Variants in C19orf47 observed in about 807,000 individuals in gnomAD.
C19orf47 encodes the protein uncharacterized protein C19orf47.
In C19orf47, 18 loss-of-function variants were observed where a neutral mutation model predicts 32.3. The observed-to-expected ratio is 0.56, with a 90% CI of 0.39 to 0.83. The LOEUF (loss-of-function observed/expected upper bound fraction) is 0.83. C19orf47 is among the 40% of genes least tolerant of loss of function. The pLI is 0.00. For missense variants in C19orf47, 484 were observed against 531.6 expected (o/e 0.91, Z 0.88); for synonymous variants, 202 against 211.1 (o/e 0.96, Z 0.37).
At chr19:40,315,714 A>G, downstream of C19orf47, among the ~76,000 whole-genome samples, 1 of 151,922 alleles carries the variant, frequency 6.6e-6, no homozygotes, top group Non-Finnish European at 1.5e-5. Context: ...CGGCAGACGC[A>G]GGCTACAGTG....
At chr19:40,339,394 C>T (rs2078132345) in intron 2 of C19orf47, among the ~76,000 whole-genome samples, 1 of 152,162 alleles carries the variant, frequency 6.6e-6, no homozygotes, top group Admixed American at 6.6e-5. Flanking sequence ...GTTGCACACA[C>T]CAGGAGACAC....
chr19:40,295,887 C>T, the C19orf47 span, among the ~76,000 whole-genome samples: 7 of 152,166 alleles, frequency 4.6e-5, no homozygotes, highest in South Asian at 2.1e-4. Flanking sequence ...GGTGGGACTA[C>T]AGGCATGTGC....
chr19:40,330,540 C>CTTTTTTT (rs398034615), intron 5 of C19orf47, among the ~76,000 whole-genome samples: 1 of 64,598 alleles, frequency 1.5e-5, no homozygotes, highest in Non-Finnish European at 2.6e-5. Flanking sequence ...ACCCGGCCCT[C>CTTTTTTT]TTTTTTTTTT....
At chr19:40,328,201 G>T (rs190407611) in intron 6 of C19orf47, among the ~76,000 whole-genome samples, 103 of 152,242 alleles carry the variant, frequency 6.8e-4, no homozygotes, top group African/African-American at 2.4e-3. Context: ...CCTGGGTGGG[G>T]TATCGCCACC....
At chr19:40,305,863 G>A in the C19orf47 span, among the ~76,000 whole-genome samples, 1 of 151,978 alleles carries the variant, frequency 6.6e-6, no homozygotes, top group African/African-American at 2.4e-5. Context: ...GAAAGAGAAT[G>A]TTCGGCCAGA....
the C19orf47 span, among the ~76,000 whole-genome samples, chr19:40,314,354 G>C: frequency 6.6e-6 from 1 of 152,200 alleles, no homozygotes; most frequent in Admixed American, 6.5e-5. Context: ...TTGAACTCAG[G>C]AGGCGGAGGT....
chr19:40,336,105 C>T lies in C19orf47; in HGVS notation c.222+5G>A. The T allele has an allele frequency of 1.2e-6, 2 of 1,613,636 alleles. No individual in the cohort carries two copies. The highest frequency in any genetic ancestry group is 1.7e-6 in the Non-Finnish European group (2 of 1,179,606). The stretch of plus-strand genomic sequence containing the variant: ...AGAGACAGAGGGGCTGGGCACAGCA[C>T]CCACCTGACGGTGCACCACTTTGGC... On this transcript the variant is annotated splice_donor_5th_base_variant and intron_variant, in intron 4 of 8. Transcript: ENST00000683109.
chr19:40,322,650 G>A (rs141318502), intron 8 of C19orf47, among the ~76,000 whole-genome samples: 117 of 152,340 alleles, frequency 7.7e-4, no homozygotes, highest in East Asian at 2.5e-3. Context: ...GGAAGAGGAC[G>A]GGAGTGCCGC....
intron 7 of C19orf47, among the ~76,000 whole-genome samples, chr19:40,325,206 G>A (rs1293226744): frequency 6.6e-6 from 1 of 151,458 alleles, no homozygotes; most frequent in Non-Finnish European, 1.5e-5. Context: ...GGAAGCGGAA[G>A]TTGCAGTGAG....
chr19:40,329,899 C>G (rs183402434), intron 5 of C19orf47, among the ~76,000 whole-genome samples: 4 of 152,228 alleles, frequency 2.6e-5, no homozygotes, highest in Non-Finnish European at 5.9e-5. Context: ...GAGGGCCCTA[C>G]CTGTCCTGCT....
At chr19:40,332,699 A>T (rs769908734) in intron 5 of C19orf47, 2 of 152,118 alleles carry the variant, frequency 1.3e-5, no homozygotes, top group Non-Finnish European at 2.9e-5. Context: ...CTCATCATTC[A>T]TAGATTCCAT....
intron 5 of C19orf47, among the ~76,000 whole-genome samples, chr19:40,331,997 C>T (rs2077963908): frequency 6.7e-6 from 1 of 149,726 alleles, no homozygotes; most frequent in Non-Finnish European, 1.5e-5. Context: ...AAGATCATGC[C>T]ATTGCACTCC....
intron 5 of C19orf47, among the ~76,000 whole-genome samples, chr19:40,332,369 G>C (rs2077971904): frequency 6.6e-6 from 1 of 150,458 alleles, no homozygotes; most frequent in African/African-American, 2.4e-5. Context: ...AAAAAAAAAA[G>C]GTCAGGTGCA....
chr19:40,321,510 A>G lies in C19orf47; in HGVS notation c.*372T>C. 9.7e-7 allele frequency: 1 copy of G among 1,035,914 alleles called. No individual in the cohort carries two copies. The highest frequency in any genetic ancestry group is 1.2e-6 in the Non-Finnish European group (1 of 860,768). 64.2% of individuals were successfully genotyped at this position (1,035,914 alleles called of 1,614,324 possible). On this transcript the variant is annotated 3_prime_UTR_variant, in exon 9 of 9. Transcript: ENST00000683109. ...TGACACCCACTTAGTTGAGGGGGAC[A>G]GGGAGGCTGATGAGCTGGGGTCTGA...
At chr19:40,298,908 T>TGAGTGAATTTATTATGTCTTAAAAATGA in the C19orf47 span, among the ~76,000 whole-genome samples, 1 of 151,126 alleles carries the variant, frequency 6.6e-6, no homozygotes, top group Non-Finnish European at 1.5e-5. Flanking sequence ...TGACCAAAAT[T>TGAGTGAATTTATTATGTCTTAAAAATGA]GAGTGAATTT....
chr19:40,299,285 T>C, the C19orf47 span, among the ~76,000 whole-genome samples: 2 of 152,124 alleles, frequency 1.3e-5, no homozygotes, highest in Non-Finnish European at 2.9e-5. Flanking sequence ...TTAATAAATA[T>C]TAAATGCTCA....
chr19:40,305,940 G>A, the C19orf47 span, among the ~76,000 whole-genome samples: 1 of 152,096 alleles, frequency 6.6e-6, no homozygotes, highest in Non-Finnish European at 1.5e-5. Flanking sequence ...CCTGAGGTCA[G>A]GAGTTCAAAG....
chr19:40,324,412 G>T (rs1233729433), intron 7 of C19orf47: 2 of 356,624 alleles, frequency 5.6e-6, no homozygotes, highest in East Asian at 9.3e-5. Flanking sequence ...CTGATGAGTG[G>T]TAGTGCATCC....
intron 5 of C19orf47, among the ~76,000 whole-genome samples, chr19:40,330,016 T>C (rs2077916007): frequency 6.6e-6 from 1 of 152,176 alleles, no homozygotes. Context: ...AACTCTGTCT[T>C]TACTCTGTCT....
Sources: allele counts gnomAD v4.1 joint callset (sites outside exome capture counted in the v4.1 genomes callset), GRCh38; gene constraint gnomAD v4.1.1; transcripts MANE v1.5; gene names NCBI Gene and HGNC (gene_info 2026-07-23, HGNC 2026-07-21).